AK5: variants seen among roughly 807,000 people sequenced by gnomAD.
AK5 encodes the protein adenylate kinase isoenzyme 5.
In AK5, 27 loss-of-function variants were observed where a neutral mutation model predicts 69.5. The ratio of observed to expected loss-of-function variants is 0.39; its 90% confidence interval spans 0.29 to 0.54. AK5 has a LOEUF of 0.54. Among genes scored for constraint, AK5 ranks in the 20% least tolerant of loss-of-function variants. The pLI is 0.71. For synonymous variants in AK5, 260 were observed against 244.4 expected (o/e 1.06, Z -0.60); for missense variants, 531 against 700.4 (o/e 0.76, Z 2.73).
At chr1:77,467,776 G>A (rs1654230312) in intron 8 of AK5, among the ~76,000 whole-genome samples, 1 of 152,198 alleles carries the variant, frequency 6.6e-6, no homozygotes, top group Non-Finnish European at 1.5e-5. Context: ...AGGGGAAGGA[G>A]GAGAGGAGGC....
Position 77,363,919 on chromosome 1 carries a change from C to T in AK5, c.891+23351C>T, listed in dbSNP as rs187888696. ...AGTATACCATTTCATTTATGTTATTCTTTGTCTACCTCTTCTGGTTAGATT... is the reference window on the plus strand; with the variant it reads ...AGTATACCATTTCATTTATGTTATTTTTTGTCTACCTCTTCTGGTTAGATT... On this transcript the variant is annotated intron_variant, in intron 6 of 13. Coordinates refer to ENST00000354567, the MANE Select transcript of AK5 (RefSeq NM_174858.3). Among the ~76,000 whole-genome samples, 307 of 152,182 alleles carry T rather than the reference C, an allele frequency of 2.0e-3. 1 individual carries two copies. Among genetic ancestry groups the T allele is most frequent in the African/African-American group, 7.1e-3 (295 of 41,504 alleles).
intron 6 of AK5, among the ~76,000 whole-genome samples, chr1:77,348,398 A>G (rs569418757): frequency 6.6e-6 from 1 of 152,172 alleles, no homozygotes; most frequent in African/African-American, 2.4e-5. Context: ...CCGTGTCCCT[A>G]CAAAGGACAT....
Position 77,486,818 on chromosome 1 carries a change from A to G in AK5, c.1147+466A>G, listed in dbSNP as rs912823142. ...TTATTTCTTTCACGTATGCAGTTGT[A>G]TATTGCTTTGGGATTTGTATCTTTT... On this transcript the variant is annotated intron_variant, in intron 10 of 13. Transcript: ENST00000354567. 3.9e-5 allele frequency among the ~76,000 whole-genome samples: 6 copies of G among 152,124 alleles called. No homozygotes were observed. In the South Asian group the frequency reaches 6.2e-4, roughly 16 times the overall value.
At chr1:77,475,425 T>TTATA (rs5775406) in intron 8 of AK5, among the ~76,000 whole-genome samples, 82 of 2,646 alleles carry the variant, frequency 0.031, 6 homozygotes, top group African/African-American at 0.058. Context: ...ATACTATATA[T>TTATA]TATATATATG....
At chr1:77,334,958 C>A (rs935885451) in intron 5 of AK5, among the ~76,000 whole-genome samples, 2 of 152,208 alleles carry the variant, frequency 1.3e-5, no homozygotes, top group African/African-American at 4.8e-5. Context: ...GTCCAGTTGT[C>A]TGTCTTTTTT....
chr1:77,474,533 G>T (rs956176857), intron 8 of AK5, among the ~76,000 whole-genome samples: 3 of 152,180 alleles, frequency 2.0e-5, no homozygotes, highest in African/African-American at 7.2e-5. Flanking sequence ...GAAAACTGTT[G>T]CTTCTATGAC....
At chr1:77,405,669 G>T (rs1649572413) in intron 6 of AK5, among the ~76,000 whole-genome samples, 1 of 152,166 alleles carries the variant, frequency 6.6e-6, no homozygotes, top group Non-Finnish European at 1.5e-5. Context: ...GAGAGGCTGG[G>T]CAGTGTAACC....
chr1:77,346,537 C>G (rs1239021918), intron 6 of AK5, among the ~76,000 whole-genome samples: 1 of 152,118 alleles, frequency 6.6e-6, no homozygotes, highest in Non-Finnish European at 1.5e-5. Flanking sequence ...GGCTGTGTTG[C>G]CCAGGCTGAA....
intron 13 of AK5, 123 bp from the exon 14 acceptor site, chr1:77,558,479 G>GGT (rs1660245902): frequency 1.6e-6 from 1 of 612,174 alleles, no homozygotes; most frequent in South Asian, 2.1e-5. Flanking sequence ...CTGTGTTTTG[G>GGT]GGGGGGTCTT....
At chr1:77,368,822 T>A (rs1296880434) in intron 6 of AK5, among the ~76,000 whole-genome samples, 1 of 152,152 alleles carries the variant, frequency 6.6e-6, no homozygotes, top group African/African-American at 2.4e-5. Context: ...AGATTAGGGA[T>A]GTTCAACCGG....
chr1:77,449,027 C>G (rs892953643), intron 8 of AK5, among the ~76,000 whole-genome samples: 1 of 152,182 alleles, frequency 6.6e-6, no homozygotes, highest in Non-Finnish European at 1.5e-5. Context: ...CATAGAGAAC[C>G]TCTGCTAGGG....
chr1:77,341,652 C>T (rs751619223), intron 6 of AK5, among the ~76,000 whole-genome samples: 2 of 152,186 alleles, frequency 1.3e-5, no homozygotes, highest in African/African-American at 4.8e-5. Context: ...AAGAGACAGA[C>T]ATGACATTTG....
chr1:77,379,554 A>G (rs778514311), intron 6 of AK5, among the ~76,000 whole-genome samples: 1 of 152,174 alleles, frequency 6.6e-6, no homozygotes, highest in Non-Finnish European at 1.5e-5. Flanking sequence ...TGATCCCCTG[A>G]TACTGCAGGA....
intron 11 of AK5, among the ~76,000 whole-genome samples, 161 bp from the exon 12 acceptor site, chr1:77,521,666 G>A (rs1278383873): frequency 6.6e-6 from 1 of 152,132 alleles, no homozygotes; most frequent in Non-Finnish European, 1.5e-5. Flanking sequence ...TAAAATATGG[G>A]GTGGAGGTGG....
chr1:77,283,753 T>TG (rs1658197869), intron 1 of AK5: 1 of 448,654 alleles, frequency 2.2e-6, no homozygotes, highest in African/African-American at 2.2e-5. Flanking sequence ...GTTTTTTTTG[T>TG]TTGTTTTTAT....
chr1:77,464,636 G>T (rs1399521067), intron 8 of AK5, among the ~76,000 whole-genome samples: 1 of 152,166 alleles, frequency 6.6e-6, no homozygotes, highest in Non-Finnish European at 1.5e-5. Flanking sequence ...CTCATCAGTG[G>T]CAAAGATAAG....
intron 5 of AK5, among the ~76,000 whole-genome samples, chr1:77,335,599 A>G (rs1323516850): frequency 6.6e-6 from 1 of 152,182 alleles, no homozygotes; most frequent in Non-Finnish European, 1.5e-5. Flanking sequence ...TTGGGAAAAC[A>G]TAAACAATTT....
At chr1:77,391,525 A>ATATATATATATG (rs146163792) in intron 6 of AK5, among the ~76,000 whole-genome samples, 44 of 121,680 alleles carry the variant, frequency 3.6e-4, no homozygotes, top group Non-Finnish European at 5.7e-4. Flanking sequence ...ATATATATAT[A>ATATATATATATG]TATCTCCTCA....
chr1:77,557,046 G>A (rs1281891578), intron 13 of AK5, among the ~76,000 whole-genome samples: 2 of 151,262 alleles, frequency 1.3e-5, no homozygotes, highest in Non-Finnish European at 2.9e-5. Flanking sequence ...GAAGCCACCA[G>A]AACACAGCCT....
Sources: allele counts gnomAD v4.1 joint callset (sites outside exome capture counted in the v4.1 genomes callset), GRCh38; gene constraint gnomAD v4.1.1; transcripts MANE v1.5; gene names NCBI Gene and HGNC (gene_info 2026-07-23, HGNC 2026-07-21).